Variants in OSBPL1A observed in about 807,000 individuals in gnomAD.
OSBPL1A encodes oxysterol binding protein like 1A, also known as oxysterol-binding protein-related protein 1.
OSBPL1A carries 80 observed loss-of-function variants against 137.1 expected under a neutral mutation model. That is an observed-to-expected ratio of 0.58 (90% CI 0.49 to 0.70). OSBPL1A has a LOEUF of 0.70. Ranked by LOEUF, OSBPL1A falls within the 30% of genes least tolerant of loss-of-function variation. The pLI, the probability that OSBPL1A is intolerant of heterozygous loss-of-function variation, is 0.00. For synonymous variants in OSBPL1A, 365 were observed against 389.7 expected, an observed-to-expected ratio of 0.94 and a Z score of 0.75; for missense variants, 970 against 1,129.4, an observed-to-expected ratio of 0.86 and a Z score of 2.02.
chr18:24,244,567 G>A (rs910037172), intron 15 of OSBPL1A, among the ~76,000 whole-genome samples: 1 of 152,088 alleles, frequency 6.6e-6, no homozygotes, highest in Non-Finnish European at 1.5e-5. Flanking sequence ...ACCACCATAC[G>A]CTTAACAGTA....
chr18:24,220,333 T>G (rs1043616268), intron 17 of OSBPL1A, among the ~76,000 whole-genome samples: 9 of 152,228 alleles, frequency 5.9e-5, no homozygotes, highest in African/African-American at 2.2e-4. Context: ...TTGGGAGAGT[T>G]GAGATAGGCT....
At chr18:24,233,044 T>C (rs1380728240) in intron 16 of OSBPL1A, among the ~76,000 whole-genome samples, 3 of 152,224 alleles carry the variant, frequency 2.0e-5, no homozygotes, top group Non-Finnish European at 4.4e-5. Flanking sequence ...GATCTCAACA[T>C]GTTTCTCAAA....
intron 4 of OSBPL1A, among the ~76,000 whole-genome samples, chr18:24,360,970 G>T (rs1219059015): frequency 6.6e-6 from 1 of 152,162 alleles, no homozygotes; most frequent in African/African-American, 2.4e-5. Flanking sequence ...TGTATGAATA[G>T]CTCACATTTA....
chr18:24,271,999 G>A lies in OSBPL1A; in HGVS notation c.1281+8843C>T, dbSNP rs185375943. 1.6e-3 allele frequency: 1,580 copies of A among 981,768 alleles called. 2 individuals carry two copies. Among genetic ancestry groups the A allele is most frequent in the Middle Eastern group, 3.1e-3 (6 of 1,912 alleles). 60.8% of individuals were successfully genotyped at this position (981,768 alleles called of 1,614,324 possible). A position where few individuals can be genotyped will look rare whatever the true frequency, so the allele number is the denominator to read the frequency against. Reference sequence around the variant, plus strand: ...GAGAGCGCGGGCGGGCGGCGGCAAGGCCTGCGGCGGGCGGCTCCCTGCGCG... The same window carrying A: ...GAGAGCGCGGGCGGGCGGCGGCAAGACCTGCGGCGGGCGGCTCCCTGCGCG... On this transcript the variant is annotated intron_variant, in intron 15 of 27. Transcript: ENST00000319481. The surrounding 1 kb of genome is among the most constrained non-coding windows in gnomAD (Gnocchi z 4.0).
rs1599622335 is a variant in OSBPL1A, at chr18:24,290,492, G to A, written c.1175-9544C>T. 2.6e-5 allele frequency among the ~76,000 whole-genome samples: 4 copies of A among 152,196 alleles called. No individual in the cohort carries two copies. In the South Asian group the frequency reaches 6.2e-4, roughly 24 times the overall value. On this transcript the variant is annotated intron_variant, in intron 14 of 27. Transcript: ENST00000319481. ...GCTCAGGAGTTCAAAACCAGCCTGGGCGACACGATAAAACCCTGTCTTTAC... is the reference window on the plus strand; with the variant it reads ...GCTCAGGAGTTCAAAACCAGCCTGGACGACACGATAAAACCCTGTCTTTAC...
chr18:24,375,305 A>G (rs1293020279), intron 2 of OSBPL1A, among the ~76,000 whole-genome samples: 2 of 129,400 alleles, frequency 1.5e-5, no homozygotes, highest in Admixed American at 8.1e-5. Context: ...ACAGAACAAA[A>G]CCCTGTCTCA....
chr18:24,270,589 T>G (rs2146056585), intron 15 of OSBPL1A, among the ~76,000 whole-genome samples: 1 of 152,342 alleles, frequency 6.6e-6, no homozygotes, highest in East Asian at 1.9e-4. Context: ...AATAGCTCCC[T>G]GGTAGTTATG....
At chr18:24,205,802 G>A (rs2087352647) in intron 17 of OSBPL1A, among the ~76,000 whole-genome samples, 1 of 152,188 alleles carries the variant, frequency 6.6e-6, no homozygotes, top group Non-Finnish European at 1.5e-5. Flanking sequence ...CACAGAGAAA[G>A]AGGAATGAAA....
In OSBPL1A at chr18:24,329,386, C is replaced by T. The variant is rs971392370; in HGVS notation, c.625+3556G>A. ...CCAACATGGCAAAACCCCATCTCTA[C>T]TAAAAATACAAAAATTAGCCAGGTG... On this transcript the variant is annotated intron_variant, in intron 7 of 27. Coordinates refer to ENST00000319481, the MANE Select transcript of OSBPL1A (RefSeq NM_080597.4). Among the ~76,000 whole-genome samples, 4 of 151,922 alleles carry T rather than the reference C, an allele frequency of 2.6e-5. No individual in the cohort carries two copies. In the East Asian group the frequency reaches 7.7e-4, roughly 29 times the overall value.
intron 2 of OSBPL1A, among the ~76,000 whole-genome samples, chr18:24,375,942 G>C (rs1351238397): frequency 6.6e-6 from 1 of 152,200 alleles, no homozygotes; most frequent in Non-Finnish European, 1.5e-5. Flanking sequence ...CGGCGCGTCT[G>C]GAGTTGTTTG....
chr18:24,353,504 G>T (rs2091480130), intron 4 of OSBPL1A, among the ~76,000 whole-genome samples: 1 of 152,008 alleles, frequency 6.6e-6, no homozygotes. Context: ...GTGGAAATCA[G>T]TGTGGCGATT....
intron 7 of OSBPL1A, among the ~76,000 whole-genome samples, chr18:24,324,241 C>A (rs2146129817): frequency 1.5e-5 from 1 of 65,804 alleles, no homozygotes; most frequent in East Asian, 2.2e-4. Flanking sequence ...AAAGCTTCAC[C>A]CTGCCTTTTG....
chr18:24,171,531 T>A (rs2086287093), intron 22 of OSBPL1A, 33 bp from the exon 23 acceptor site: 1 of 1,511,350 alleles, frequency 6.6e-7, no homozygotes, highest in East Asian at 2.3e-5. Flanking sequence ...AGATTATCAT[T>A]TATTAGCAAA....
intron 4 of OSBPL1A, among the ~76,000 whole-genome samples, chr18:24,350,067 T>TC (rs2091412689): frequency 2.0e-5 from 3 of 152,204 alleles, no homozygotes; most frequent in Non-Finnish European, 4.4e-5. Context: ...ATTTTTTAGC[T>TC]CGGCATATGG....
chr18:24,314,410 C>A, intron 11 of OSBPL1A, 63 bp from the exon 12 acceptor site: 1 of 1,112,986 alleles, frequency 9.0e-7, no homozygotes, highest in Non-Finnish European at 1.3e-6. Flanking sequence ...CTAAAATTAT[C>A]TATACATAAA....
In OSBPL1A at chr18:24,310,125, G is replaced by A. The variant is rs139511395; in HGVS notation, c.1092+1859C>T. Reference sequence around the variant, plus strand: ...TCTGTTGGAGAGGAACATGCAAAACGTAAAAGTGCTTAACACTATAGTGCT... The same window carrying A: ...TCTGTTGGAGAGGAACATGCAAAACATAAAAGTGCTTAACACTATAGTGCT... On this transcript the variant is annotated intron_variant, in intron 13 of 27. Coordinates refer to ENST00000319481, the MANE Select transcript of OSBPL1A (RefSeq NM_080597.4). Among the ~76,000 whole-genome samples, 354 of 150,086 alleles carry A rather than the reference G, an allele frequency of 2.4e-3. 1 individual carries two copies. The highest frequency in any genetic ancestry group is 8.3e-3 in the African/African-American group (342 of 40,986).
rs144069385 is a variant in OSBPL1A, at chr18:24,174,132, G to T, written c.2094-1649C>A. On this transcript the variant is annotated intron_variant, in intron 21 of 27. Coordinates refer to ENST00000319481, the MANE Select transcript of OSBPL1A (RefSeq NM_080597.4). ...CAGTTTGTGTGACCATTCACCCACT[G>T]AAGGGCATGTGGGCTGTTTTCAGTT... Among the ~76,000 whole-genome samples the T allele has an allele frequency of 5.5e-3, 833 of 152,362 alleles. 1 individual carries two copies. Among genetic ancestry groups the T allele is most frequent in the Middle Eastern group, 0.014 (4 of 294 alleles).
chr18:24,300,370 G>T (rs2090375716), intron 14 of OSBPL1A, among the ~76,000 whole-genome samples: 1 of 152,204 alleles, frequency 6.6e-6, no homozygotes, highest in African/African-American at 2.4e-5. Context: ...AGATAAGTCT[G>T]CATTTTATTC....
intron 2 of OSBPL1A, 69 bp from the exon 3 acceptor site, chr18:24,368,441 C>G: frequency 2.7e-6 from 3 of 1,124,556 alleles, no homozygotes; most frequent in Non-Finnish European, 2.7e-6. Context: ...ATTAACTTCT[C>G]CATAACAAGC....
Sources: gnomAD v4.1 joint callset for allele counts (sites outside exome capture counted in the v4.1 genomes callset) on GRCh38, gnomAD v4.1.1 for gene constraint, Gnocchi (gnomAD v3.1) non-coding constraint, MANE v1.5 for transcripts, NCBI Gene and HGNC (gene_info 2026-07-23, HGNC 2026-07-21) for gene names.